The following RBFOX1 variants were observed in gnomAD, a reference collection of about 807,000 sequenced individuals.
RBFOX1 encodes RNA binding fox-1 homolog 1, also known as RNA binding protein fox-1 homolog 1.
In RBFOX1, 8 loss-of-function variants were observed where a neutral mutation model predicts 57.7. The observed-to-expected ratio is 0.14, with a 90% CI of 0.08 to 0.25. RBFOX1 has a LOEUF of 0.25. RBFOX1 is among the 10% of genes least tolerant of loss of function. RBFOX1 has a pLI of 1.00. For missense variants in RBFOX1, 611 were observed against 548.5 expected (o/e 1.11, Z -1.14); for synonymous variants, 326 against 222.4 (o/e 1.47, Z -4.15).
At chr16:5,440,588 G>A (rs569360) in intron 1 of RBFOX1, among the ~76,000 whole-genome samples, 1 of 152,132 alleles carries the variant, frequency 6.6e-6, no homozygotes, top group African/African-American at 2.4e-5. Flanking sequence ...TAGGTAAACA[G>A]TCAATATTTT....
chr16:7,241,381 T>C (rs2094050305), intron 4 of RBFOX1, among the ~76,000 whole-genome samples: 1 of 152,150 alleles, frequency 6.6e-6, no homozygotes, highest in Non-Finnish European at 1.5e-5. Context: ...TGATTCCCTG[T>C]AGGATTAGGG....
chr16:7,395,750 A>G (rs556107420), intron 4 of RBFOX1, among the ~76,000 whole-genome samples: 6 of 152,342 alleles, frequency 3.9e-5, no homozygotes, highest in Admixed American at 6.5e-5. Context: ...TGAAATATCA[A>G]TAGCAATCTG....
At chr16:6,466,469 G>T (rs1352802220) in intron 2 of RBFOX1, among the ~76,000 whole-genome samples, 1 of 152,128 alleles carries the variant, frequency 6.6e-6, no homozygotes, top group Admixed American at 6.5e-5. Flanking sequence ...TGTTCAGGAG[G>T]ATTTAAATAA....
chr16:7,212,189 G>C (rs1603248465), intron 4 of RBFOX1, among the ~76,000 whole-genome samples: 1 of 152,304 alleles, frequency 6.6e-6, no homozygotes, highest in East Asian at 1.9e-4. Flanking sequence ...GACTGTTTGA[G>C]TGACATAGGT....
At chr16:6,274,893 C>A (rs1444376079) in intron 1 of RBFOX1, among the ~76,000 whole-genome samples, 2 of 152,136 alleles carry the variant, frequency 1.3e-5, no homozygotes, top group Non-Finnish European at 2.9e-5. Flanking sequence ...GTCATTGATC[C>A]ATTAATGATG....
At chr16:7,466,158 G>T in intron 4 of RBFOX1, among the ~76,000 whole-genome samples, 1 of 152,122 alleles carries the variant, frequency 6.6e-6, no homozygotes, top group South Asian at 2.1e-4. Context: ...TCAGCAATAG[G>T]ATTCAACTGC....
chr16:6,419,272 T>C (rs1016229669), intron 2 of RBFOX1, among the ~76,000 whole-genome samples: 1 of 152,170 alleles, frequency 6.6e-6, no homozygotes, highest in African/African-American at 2.4e-5. Context: ...TGTGGTATCG[T>C]ATTGCAGAGT....
intron 4 of RBFOX1, among the ~76,000 whole-genome samples, chr16:7,205,454 G>A (rs1331655746): frequency 1.3e-5 from 2 of 151,270 alleles, no homozygotes. Flanking sequence ...GGAGGTGGAG[G>A]TTGAAGTGAG....
chr16:7,612,343 A>G (rs1417286921), intron 10 of RBFOX1, among the ~76,000 whole-genome samples: 2 of 125,340 alleles, frequency 1.6e-5, no homozygotes, highest in Admixed American at 8.7e-5. Context: ...AAAAAAAAAA[A>G]AAAAAAGACA....
chr16:6,299,546 C>G (rs1466689802), intron 1 of RBFOX1, among the ~76,000 whole-genome samples: 1 of 152,102 alleles, frequency 6.6e-6, no homozygotes, highest in Admixed American at 6.5e-5. Context: ...CCTCATTTTA[C>G]TCTACCTTCC....
intron 1 of RBFOX1, among the ~76,000 whole-genome samples, chr16:5,375,536 T>A (rs1389411142): frequency 3.3e-5 from 5 of 152,160 alleles, no homozygotes; most frequent in Non-Finnish European, 7.3e-5. Context: ...GCGAGGTGTG[T>A]ACATGGAGAT....
chr16:5,445,354 C>A lies in RBFOX1; in HGVS notation c.220-21862C>A, dbSNP rs77197171. On this transcript the variant is annotated intron_variant, in intron 1 of 2. Transcript: ENST00000585867. ...AATGTTCCATGTTCTACAAACTCAA[C>A]ACCCTGGAGTTTGCCTTTGGCATCT... 4.4e-3 allele frequency among the ~76,000 whole-genome samples: 675 copies of A among 152,310 alleles called. 6 individuals carry two copies. The highest frequency in any genetic ancestry group is 0.015 in the African/African-American group (624 of 41,556).
At chr16:7,042,407 A>G (rs2046464881) in intron 3 of RBFOX1, among the ~76,000 whole-genome samples, 1 of 152,138 alleles carries the variant, frequency 6.6e-6, no homozygotes, top group Non-Finnish European at 1.5e-5. Flanking sequence ...CCTCTTGAAT[A>G]TTTCCTATCT....
At chr16:7,029,081 T>TATAC (rs1356233922) in intron 3 of RBFOX1, among the ~76,000 whole-genome samples, 1 of 47,946 alleles carries the variant, frequency 2.1e-5, no homozygotes, top group South Asian at 6.4e-4. Flanking sequence ...TATATATATA[T>TATAC]ACACACACAC....
intron 1 of RBFOX1, among the ~76,000 whole-genome samples, chr16:5,433,057 T>C (rs186798128): frequency 3.9e-4 from 59 of 152,268 alleles, no homozygotes; most frequent in African/African-American, 1.4e-3. Flanking sequence ...CATGGATGGA[T>C]GGAAAACGCA....
intron 1 of RBFOX1, among the ~76,000 whole-genome samples, chr16:6,154,513 A>G (rs954692940): frequency 6.6e-6 from 1 of 152,072 alleles, no homozygotes; most frequent in African/African-American, 2.4e-5. Context: ...AAGGTCTTTG[A>G]GGTAAGGTAG....
At chr16:5,637,851 C>A (rs921445116) in intron 3 of RBFOX1, among the ~76,000 whole-genome samples, 1 of 152,160 alleles carries the variant, frequency 6.6e-6, no homozygotes, top group Non-Finnish European at 1.5e-5. Context: ...TTCCAGGGGC[C>A]TCTCCTACCG....
intron 3 of RBFOX1, among the ~76,000 whole-genome samples, chr16:6,940,811 TAGC>T (rs1567987108): frequency 4.7e-5 from 5 of 105,782 alleles, no homozygotes; most frequent in African/African-American, 2.1e-4. Context: ...TGTGTGTGTG[TAGC>T]TGGGAGTACA....
At chr16:5,969,298 C>CTTTTTTTTTTTTTTTTT (rs71142659) in intron 4 of RBFOX1, among the ~76,000 whole-genome samples, 2 of 83,750 alleles carry the variant, frequency 2.4e-5, no homozygotes, top group Non-Finnish European at 4.2e-5. Context: ...TTCGGTTGTT[C>CTTTTTTTTTTTTTTTTT]TTTTTTTTTT....
Sources: allele counts gnomAD v4.1 joint callset (sites outside exome capture counted in the v4.1 genomes callset), GRCh38; gene constraint gnomAD v4.1.1; transcripts MANE v1.5; gene names NCBI Gene and HGNC (gene_info 2026-07-23, HGNC 2026-07-21).